DENND1B: variants seen among roughly 807,000 people sequenced by gnomAD.
The protein encoded by DENND1B is DENN domain-containing protein 1B.
In DENND1B, 59 loss-of-function variants were observed where a neutral mutation model predicts 90.1. The observed-to-expected ratio is 0.65, with a 90% CI of 0.53 to 0.81. DENND1B has a LOEUF of 0.81. DENND1B is among the 40% of genes least tolerant of loss of function. The pLI is 0.00. For missense variants in DENND1B, 862 were observed against 912.6 expected (o/e 0.94, Z 0.71); for synonymous variants, 337 against 324.6 (o/e 1.04, Z -0.41).
intron 5 of DENND1B, among the ~76,000 whole-genome samples, chr1:197,663,065 T>C (rs1005738638): frequency 1.3e-5 from 2 of 152,140 alleles, no homozygotes; most frequent in South Asian, 2.1e-4. Flanking sequence ...GTCTTCAAGA[T>C]GCCTCCCAAA....
At chr1:197,636,690 T>C (rs1245826572) in intron 10 of DENND1B, among the ~76,000 whole-genome samples, 1 of 152,182 alleles carries the variant, frequency 6.6e-6, no homozygotes, top group African/African-American at 2.4e-5. Context: ...TAATTATTAA[T>C]AACATCATCA....
intron 14 of DENND1B, among the ~76,000 whole-genome samples, chr1:197,591,707 A>T (rs1675219760): frequency 6.6e-6 from 1 of 152,226 alleles, no homozygotes; most frequent in Non-Finnish European, 1.5e-5. Flanking sequence ...GTTTCCATTA[A>T]GAAAATTCCT....
At chr1:197,573,983 C>A (rs915210120) in intron 15 of DENND1B, among the ~76,000 whole-genome samples, 2 of 152,104 alleles carry the variant, frequency 1.3e-5, no homozygotes, top group African/African-American at 4.8e-5. Context: ...AAACCCACAG[C>A]CAATATCGTA....
chr1:197,596,521 TAAC>T (rs1410499521), intron 13 of DENND1B, among the ~76,000 whole-genome samples: 2 of 151,972 alleles, frequency 1.3e-5, no homozygotes, highest in Non-Finnish European at 2.9e-5. Context: ...AATGCTCACT[TAAC>T]AGAGCATATT....
intron 3 of DENND1B, among the ~76,000 whole-genome samples, chr1:197,696,058 A>G (rs1406377238): frequency 6.6e-6 from 1 of 151,262 alleles, no homozygotes; most frequent in Non-Finnish European, 1.5e-5. Context: ...TTCAATAATG[A>G]CCCATCCTTT....
Position 197,507,421 on chromosome 1 carries a change from A to G in DENND1B, c.*3039T>C, listed in dbSNP as rs1667781129. ...GACACATTAAAGTAGGTAATCATCA[A>G]AAGATACCACTTAGTAATATTTTCA... On this transcript the variant is annotated 3_prime_UTR_variant, in exon 23 of 23. Transcript: ENST00000620048. The G allele has an allele frequency of 6.6e-6, 1 of 151,360 alleles. No homozygotes were observed. The highest frequency in any genetic ancestry group is 1.5e-5 in the Non-Finnish European group (1 of 67,586). 9.4% of individuals were successfully genotyped at this position (151,360 alleles called of 1,614,324 possible).
At chr1:197,770,601 T>C (rs1656316066) in intron 2 of DENND1B, among the ~76,000 whole-genome samples, 1 of 145,878 alleles carries the variant, frequency 6.9e-6, no homozygotes, top group Non-Finnish European at 1.5e-5. Context: ...TGTGTGTGTG[T>C]GTGTGTATAT....
intron 2 of DENND1B, among the ~76,000 whole-genome samples, chr1:197,745,616 T>TTATATATATA (rs60118343): frequency 5.6e-5 from 4 of 71,810 alleles, no homozygotes; most frequent in South Asian, 3.8e-4. Context: ...CATATATATA[T>TTATATATATA]TATATATATA....
chr1:197,541,564 G>A (rs550845349), intron 18 of DENND1B, among the ~76,000 whole-genome samples: 6 of 152,152 alleles, frequency 3.9e-5, no homozygotes, highest in Non-Finnish European at 7.4e-5. Context: ...CAGGGAACCT[G>A]GCCCCAGCAT....
chr1:197,661,202 G>A (rs1029489112), intron 5 of DENND1B, among the ~76,000 whole-genome samples: 7 of 151,942 alleles, frequency 4.6e-5, no homozygotes, highest in Non-Finnish European at 7.4e-5. Flanking sequence ...TTTACTATGT[G>A]TATCTTCCAC....
intron 2 of DENND1B, among the ~76,000 whole-genome samples, chr1:197,752,740 C>T (rs1388869836): frequency 2.0e-5 from 3 of 151,712 alleles, no homozygotes; most frequent in Non-Finnish European, 4.4e-5. Flanking sequence ...TGTGCTGCAC[C>T]CGTTAACTCA....
At position 197,622,279 on chromosome 1, in the gene DENND1B, A is replaced by G. The variant is rs75734991; in HGVS notation, c.673-4520T>C. On this transcript the variant is annotated intron_variant, in intron 10 of 22. Coordinates refer to ENST00000620048, the MANE Select transcript of DENND1B (RefSeq NM_001195215.2). ...CATACCTAATCCTCACAACAACCTC[A>G]TCAAGTACTATTATCATTACTTCTA... 6.8e-4 allele frequency among the ~76,000 whole-genome samples: 103 copies of G among 151,460 alleles called. No homozygotes were observed. The East Asian group carries it at 0.02, about 30-fold the overall frequency.
intron 10 of DENND1B, among the ~76,000 whole-genome samples, chr1:197,624,665 G>C (rs1678489130): frequency 6.6e-6 from 1 of 151,896 alleles, no homozygotes; most frequent in Admixed American, 6.6e-5. Flanking sequence ...AAGCTGGATA[G>C]AGAATGACTT....
rs944464508 is a variant in DENND1B at position 197,505,378 on chromosome 1, C to T, written c.*5082G>A. 6.6e-6 allele frequency: 1 copy of T among 151,204 alleles called. No individual in the cohort carries two copies. The highest frequency in any genetic ancestry group is 2.4e-5 in the African/African-American group (1 of 41,180). The allele number at this position is 151,204 out of a possible 1,614,324, so 9.4% of individuals were successfully genotyped here. A position where few individuals can be genotyped will look rare whatever the true frequency, so the allele number is the denominator to read the frequency against. ...TGATAATGGACCTCAACAAGGCTCA[C>T]ATTTGAGAAATGAAATAACAGAGAT... On this transcript the variant is annotated 3_prime_UTR_variant, in exon 23 of 23. Coordinates refer to ENST00000620048, the MANE Select transcript of DENND1B (RefSeq NM_001195215.2).
At chr1:197,702,917 C>T (rs866504466) in intron 3 of DENND1B, among the ~76,000 whole-genome samples, 50 of 152,202 alleles carry the variant, frequency 3.3e-4, no homozygotes, top group African/African-American at 1.1e-3. Context: ...TGAGTATATA[C>T]TTTTGTTTTT....
chr1:197,520,418 C>T (rs1668691714), intron 20 of DENND1B, among the ~76,000 whole-genome samples: 1 of 151,936 alleles, frequency 6.6e-6, no homozygotes, highest in African/African-American at 2.4e-5. Flanking sequence ...GAAAATCTTA[C>T]ATTAAATGAC....
intron 2 of DENND1B, chr1:197,736,033 C>A: frequency 1.1e-6 from 1 of 941,140 alleles, no homozygotes. Context: ...TGTTAAGGCA[C>A]CTACAAAGGC....
intron 13 of DENND1B, 149 bp downstream of exon 13, chr1:197,606,924 A>G (rs1676733380): frequency 8.2e-6 from 5 of 612,950 alleles, no homozygotes; most frequent in Admixed American, 6.4e-5. Context: ...TAAAAATATT[A>G]AATATAGAAT....
chr1:197,540,088 A>G lies in DENND1B; in HGVS notation c.1408-17T>C. 1 of 1,551,904 alleles carries G rather than the reference A, an allele frequency of 6.4e-7. No individual in the cohort carries two copies. Among genetic ancestry groups the G allele is most frequent in the Admixed American group, 1.7e-5 (1 of 57,540 alleles). Reference sequence around the variant, plus strand: ...TTCATTTTCCTACACATGAAAAAATATACAGGCAATAATTGTAAAGTACTC... The same window carrying G: ...TTCATTTTCCTACACATGAAAAAATGTACAGGCAATAATTGTAAAGTACTC... On this transcript the variant is annotated splice_polypyrimidine_tract_variant and intron_variant, in intron 19 of 22. Transcript: ENST00000620048.
Sources: allele counts gnomAD v4.1 joint callset (sites outside exome capture counted in the v4.1 genomes callset), GRCh38; gene constraint gnomAD v4.1.1; transcripts MANE v1.5; gene names NCBI Gene and HGNC (gene_info 2026-07-23, HGNC 2026-07-21).